The following BTBD9 variants were observed in gnomAD, a reference collection of about 807,000 sequenced individuals.
BTBD9 encodes BTB/POZ domain-containing protein 9.
BTBD9 carries 49 observed loss-of-function variants against 64.3 expected under a neutral mutation model. That is an observed-to-expected ratio of 0.76 (90% CI 0.61 to 0.97). BTBD9 has a LOEUF of 0.97. Among genes scored for constraint, BTBD9 ranks in the 50% least tolerant of loss-of-function variants. The probability of loss-of-function intolerance (pLI) is 0.00; values close to 1 mark genes in which losing one functional copy is unlikely to be tolerated. For missense variants in BTBD9, 598 were observed against 762.1 expected, an observed-to-expected ratio of 0.78 and a Z score of 2.53; for synonymous variants, 260 against 274.7, an observed-to-expected ratio of 0.95 and a Z score of 0.53.
At chr6:38,329,083 G>T (rs192150467) in intron 7 of BTBD9, among the ~76,000 whole-genome samples, 1 of 141,772 alleles carries the variant, frequency 7.1e-6, no homozygotes, top group Non-Finnish European at 1.5e-5. Flanking sequence ...TTCTATTATG[G>T]TTATTTCCCT....
Position 38,286,852 on chromosome 6 carries a change from C to T in BTBD9, c.1454+1420G>A, listed in dbSNP as rs527677333. 8.6e-5 allele frequency among the ~76,000 whole-genome samples: 13 copies of T among 151,958 alleles called. No homozygotes were observed. The East Asian group carries it at 1.5e-3, about 18-fold the overall frequency. ...ATCCCAGCACTTTGGGAGGCCGAGG[C>T]GGGCTGATCACTTGAGGTCAGGAGT... On this transcript the variant is annotated intron_variant, in intron 8 of 10. Transcript: ENST00000481247.
intron 9 of BTBD9, among the ~76,000 whole-genome samples, chr6:38,227,350 T>C (rs183808920): frequency 1.0e-3 from 153 of 152,346 alleles, no homozygotes; most frequent in African/African-American, 3.4e-3. Context: ...TACATTCTTC[T>C]ATATGCTGGT....
chr6:38,243,026 C>T (rs1426424508), intron 9 of BTBD9, among the ~76,000 whole-genome samples: 1 of 151,400 alleles, frequency 6.6e-6, no homozygotes, highest in African/African-American at 2.5e-5. Context: ...ACTCATAGAG[C>T]ATTTGGCTGG....
chr6:38,483,745 G>A (rs542046070), intron 6 of BTBD9, among the ~76,000 whole-genome samples: 140 of 152,236 alleles, frequency 9.2e-4, no homozygotes, highest in Non-Finnish European at 1.7e-3. Context: ...TACTCTTGCT[G>A]TTCCCTAGCC....
intron 6 of BTBD9, among the ~76,000 whole-genome samples, chr6:38,416,754 C>A (rs1281637949): frequency 6.6e-6 from 1 of 152,082 alleles, no homozygotes; most frequent in East Asian, 1.9e-4. Context: ...GGAGGCTCTG[C>A]AATTTGGGGC....
chr6:38,215,843 T>C (rs747735167), intron 9 of BTBD9, among the ~76,000 whole-genome samples: 2 of 152,186 alleles, frequency 1.3e-5, no homozygotes, highest in African/African-American at 2.4e-5. Flanking sequence ...TGAAACTCCA[T>C]ACTGCGGAGG....
intron 6 of BTBD9, among the ~76,000 whole-genome samples, chr6:38,417,764 C>A (rs1767730786): frequency 8.7e-6 from 1 of 115,526 alleles, no homozygotes; most frequent in Non-Finnish European, 1.7e-5. Context: ...CAGAGCAACA[C>A]CCTGTCTCGA....
At chr6:38,570,323 C>T (rs1775706559) in intron 6 of BTBD9, among the ~76,000 whole-genome samples, 1 of 152,176 alleles carries the variant, frequency 6.6e-6, no homozygotes, top group Non-Finnish European at 1.5e-5. Context: ...TATTTCTTTA[C>T]CTTGATTCTT....
intron 6 of BTBD9, among the ~76,000 whole-genome samples, chr6:38,397,065 C>T (rs746567720): frequency 3.5e-4 from 53 of 151,834 alleles, no homozygotes; most frequent in Non-Finnish European, 6.8e-4. Flanking sequence ...CCCCACCTGG[C>T]TAATTTTTGT....
intron 6 of BTBD9, among the ~76,000 whole-genome samples, chr6:38,485,359 G>A (rs898679828): frequency 6.6e-6 from 1 of 152,136 alleles, no homozygotes; most frequent in African/African-American, 2.4e-5. Flanking sequence ...CCAGATCAGA[G>A]GAATCAAAAG....
At chr6:38,459,508 A>G (rs775030157) in intron 6 of BTBD9, among the ~76,000 whole-genome samples, 2 of 152,210 alleles carry the variant, frequency 1.3e-5, no homozygotes, top group Non-Finnish European at 2.9e-5. Flanking sequence ...CTGGCTTCCC[A>G]TGCTGCAGTG....
intron 6 of BTBD9, among the ~76,000 whole-genome samples, chr6:38,572,120 TTC>T (rs2127467065): frequency 6.6e-6 from 1 of 152,278 alleles, no homozygotes; most frequent in Admixed American, 6.5e-5. Flanking sequence ...CTCCCCTGAC[TTC>T]TGTTACTATC....
At chr6:38,352,852 A>G (rs947230571) in intron 6 of BTBD9, among the ~76,000 whole-genome samples, 35 of 152,234 alleles carry the variant, frequency 2.3e-4, no homozygotes, top group African/African-American at 8.4e-4. Flanking sequence ...TCCAACAAAT[A>G]TTAACTGAGC....
At chr6:38,616,691 C>T (rs1337000885) in intron 1 of BTBD9, among the ~76,000 whole-genome samples, 1 of 152,032 alleles carries the variant, frequency 6.6e-6, no homozygotes, top group African/African-American at 2.4e-5. Context: ...AAAGAGCGCG[C>T]TTTGATAGGA....
At chr6:38,210,574 G>GTC (rs1762801078) in intron 9 of BTBD9, among the ~76,000 whole-genome samples, 1 of 136,802 alleles carries the variant, frequency 7.3e-6, no homozygotes, top group Admixed American at 7.4e-5. Context: ...GTGTGTGTGT[G>GTC]TGTCTGCATC....
rs550461594 is a variant in BTBD9, at chr6:38,427,296, C to T, written c.1155-82203G>A. On this transcript the variant is annotated intron_variant, in intron 6 of 10. Coordinates refer to ENST00000481247, the MANE Select transcript of BTBD9 (RefSeq NM_001099272.2). ...CTTGAGCCCAGGAGTTTGAGACCAG[C>T]CTGGGCAACACAGCAAGACCTCCAT... 2.0e-5 allele frequency among the ~76,000 whole-genome samples: 3 copies of T among 151,838 alleles called. No homozygotes were observed. The East Asian group carries it at 5.8e-4, about 29-fold the overall frequency.
At position 38,589,305 on chromosome 6, in the gene BTBD9, A is replaced by G. The variant is rs557459514; in HGVS notation, c.814+3271T>C. The stretch of plus-strand genomic sequence containing the variant: ...CTGACCAGTTGATCAATTCCAAACT[A>G]CCAGTAACCATGTGAAATGTCCAAA... On this transcript the variant is annotated intron_variant, in intron 4 of 10. Coordinates refer to ENST00000481247, the MANE Select transcript of BTBD9 (RefSeq NM_001099272.2). Among the ~76,000 whole-genome samples the G allele has an allele frequency of 2.0e-5, 3 of 152,254 alleles. No homozygotes were observed. In the East Asian group the frequency reaches 5.8e-4, roughly 29 times the overall value.
Position 38,568,912 on chromosome 6 carries a change from C to G in BTBD9, c.1154+8688G>C, listed in dbSNP as rs371740054. On this transcript the variant is annotated intron_variant, in intron 6 of 10. Coordinates refer to ENST00000481247, the MANE Select transcript of BTBD9 (RefSeq NM_001099272.2). ...GACAGCTTTAACTAAAACCAAGTAA[C>G]TCCTAGATACCTTACACAGTTATAC... Among the ~76,000 whole-genome samples the G allele has an allele frequency of 1.2e-4, 18 of 152,214 alleles. No individual in the cohort carries two copies. The South Asian group carries it at 3.7e-3, about 32-fold the overall frequency.
intron 7 of BTBD9, among the ~76,000 whole-genome samples, chr6:38,333,944 T>C (rs1763780919): frequency 6.6e-6 from 1 of 152,144 alleles, no homozygotes; most frequent in Non-Finnish European, 1.5e-5. Flanking sequence ...AGGGAAGGCT[T>C]AGAAGTTCTT....
Sources: allele counts gnomAD v4.1 joint callset (sites outside exome capture counted in the v4.1 genomes callset), GRCh38; gene constraint gnomAD v4.1.1; transcripts MANE v1.5; gene names NCBI Gene and HGNC (gene_info 2026-07-23, HGNC 2026-07-21).